The following SCAMP1 variants were observed in gnomAD, a reference collection of about 807,000 sequenced individuals.
The protein encoded by SCAMP1 is secretory carrier membrane protein 1.
A neutral mutation model predicts 41.8 loss-of-function variants in SCAMP1; 15 were observed. The observed-to-expected ratio is 0.36, with a 90% CI of 0.24 to 0.55. The LOEUF is 0.55. Ranked by LOEUF, SCAMP1 falls within the 20% of genes least tolerant of loss-of-function variation. The pLI is 0.86. For missense variants in SCAMP1, 341 were observed against 412.6 expected (o/e 0.83, Z 1.50); for synonymous variants, 135 against 136.8 (o/e 0.99, Z 0.09).
chr5:78,390,646 G>T (rs537756003), intron 2 of SCAMP1, among the ~76,000 whole-genome samples: 115 of 151,522 alleles, frequency 7.6e-4, no homozygotes, highest in African/African-American at 2.7e-3. Context: ...AATGAAAAGA[G>T]ATTTTTTTTT....
At chr5:78,374,025 T>C (rs1751007149) in intron 1 of SCAMP1, among the ~76,000 whole-genome samples, 1 of 152,114 alleles carries the variant, frequency 6.6e-6, no homozygotes, top group African/African-American at 2.4e-5. Context: ...ATTATCATCA[T>C]TGAAGATGGA....
At chr5:78,416,714 C>A in intron 4 of SCAMP1, 65 bp downstream of exon 4, 2 of 1,212,770 alleles carry the variant, frequency 1.6e-6, no homozygotes, top group Non-Finnish European at 2.3e-6. Context: ...TCTATACTAG[C>A]TCCTAGGTCA....
At chr5:78,471,781 T>G (rs1409834964) in intron 8 of SCAMP1, among the ~76,000 whole-genome samples, 1 of 152,182 alleles carries the variant, frequency 6.6e-6, no homozygotes, top group Non-Finnish European at 1.5e-5. Flanking sequence ...TTAATTTAAC[T>G]TATGTTAGTG....
chr5:78,460,751 T>C (rs1437493407), intron 8 of SCAMP1, among the ~76,000 whole-genome samples: 3 of 9,826 alleles, frequency 3.1e-4, no homozygotes, highest in Non-Finnish European at 7.0e-4. Context: ...TCTCCTTCCT[T>C]CCTTCCTTCC....
chr5:78,404,756 A>G (rs1244160891), intron 2 of SCAMP1, among the ~76,000 whole-genome samples: 1 of 152,072 alleles, frequency 6.6e-6, no homozygotes, highest in South Asian at 2.1e-4. Context: ...TCCTGAGGGG[A>G]GGCCTTGTTA....
At chr5:78,381,978 AT>A (rs1751215384) in intron 1 of SCAMP1, among the ~76,000 whole-genome samples, 1 of 152,236 alleles carries the variant, frequency 6.6e-6, no homozygotes, top group African/African-American at 2.4e-5. Context: ...AATGGCAAGA[AT>A]AGCTTTGCAT....
intron 6 of SCAMP1, among the ~76,000 whole-genome samples, chr5:78,422,440 C>T (rs976831417): frequency 6.6e-6 from 1 of 151,802 alleles, no homozygotes; most frequent in Non-Finnish European, 1.5e-5. Flanking sequence ...TTTTCAAAGG[C>T]AGCACCATTT....
chr5:78,466,854 T>C (rs918116184), intron 8 of SCAMP1, among the ~76,000 whole-genome samples: 3 of 152,104 alleles, frequency 2.0e-5, no homozygotes, highest in African/African-American at 7.2e-5. Flanking sequence ...TGATTAGTAA[T>C]GATGGTGGCC....
intron 1 of SCAMP1, among the ~76,000 whole-genome samples, chr5:78,368,647 T>A (rs1330851865): frequency 6.6e-6 from 1 of 152,162 alleles, no homozygotes; most frequent in Non-Finnish European, 1.5e-5. Flanking sequence ...TAAAGAGTGG[T>A]TTGAAAATAC....
chr5:78,417,570 G>A (rs561894240), intron 4 of SCAMP1, among the ~76,000 whole-genome samples: 3 of 152,294 alleles, frequency 2.0e-5, no homozygotes, highest in African/African-American at 7.2e-5. Flanking sequence ...CAGTATGTTA[G>A]CACATTTTAG....
In SCAMP1 at chr5:78,421,816, T is replaced by A. The variant is rs1743309075; in HGVS notation, c.488T>A (p.Leu163Gln). ...YYLWMFHAVT[L>Q]FLNIFGCLAW... is the part of the protein sequence containing the mutation. The stretch of plus-strand genomic sequence containing the variant: ...GATTCCACAGTCCATGCAGTAACAC[T>A]GTTTCTAAATATCTTCGGATGCTTG... The change falls in exon 6 of 9, where the codon CTG becomes CAG. Residue 163 changes from leucine (L) to glutamine (Q), a missense_variant. Transcript: ENST00000621999. The A allele has an allele frequency of 6.2e-7, 1 of 1,613,736 alleles. No individual in the cohort carries two copies. The highest frequency in any genetic ancestry group is 8.5e-7 in the Non-Finnish European group (1 of 1,179,800).
chr5:78,406,349 C>A (rs904056328), intron 2 of SCAMP1, among the ~76,000 whole-genome samples: 1 of 152,094 alleles, frequency 6.6e-6, no homozygotes, highest in South Asian at 2.1e-4. Flanking sequence ...TTCTTTTAGA[C>A]CCTACATACA....
At position 78,416,660 on chromosome 5, in the gene SCAMP1, A is replaced by G. The variant is rs769062941; in HGVS notation, c.343+11A>G. On this transcript the variant is annotated intron_variant, in intron 4 of 8. Transcript: ENST00000621999. ...ACCTCAGTCAACATGGTAGTATCCA[A>G]AGAAATTTGAAATAAAAATAACTTT... The G allele has an allele frequency of 1.9e-5, 30 of 1,544,466 alleles. No individual in the cohort carries two copies. In the Middle Eastern group the frequency reaches 5.1e-4, roughly 26 times the overall value.
intron 6 of SCAMP1, 31 bp from the exon 7 acceptor site, chr5:78,449,901 CT>C: frequency 2.3e-6 from 3 of 1,288,962 alleles, no homozygotes; most frequent in Admixed American, 2.4e-5. Flanking sequence ...CCCTAACCCC[CT>C]TTTTTCTTTC....
chr5:78,446,313 A>G (rs1753050630), intron 6 of SCAMP1, among the ~76,000 whole-genome samples: 1 of 152,228 alleles, frequency 6.6e-6, no homozygotes, highest in African/African-American at 2.4e-5. Flanking sequence ...TCTTAACTAG[A>G]AATTACAGTT....
intron 1 of SCAMP1, among the ~76,000 whole-genome samples, chr5:78,375,532 A>T (rs1165592590): frequency 6.6e-6 from 1 of 152,202 alleles, no homozygotes; most frequent in Non-Finnish European, 1.5e-5. Flanking sequence ...TGTAGCCTTC[A>T]ATTTCCCATT....
At chr5:78,412,855 G>A (rs1752114442) in intron 2 of SCAMP1, among the ~76,000 whole-genome samples, 2 of 151,956 alleles carry the variant, frequency 1.3e-5, no homozygotes, top group South Asian at 2.1e-4. Context: ...TTTACTTTTT[G>A]TAAATTTCAG....
At position 78,360,705 on chromosome 5, in the gene SCAMP1, C is replaced by T; in HGVS notation, c.34C>T (p.Pro12Ser). ...SDFDSNPFADPDLNNPFKDPS... is the reference protein window; with the variant it reads ...SDFDSNPFADSDLNNPFKDPS... Reference sequence around the variant, plus strand: ...TTTCGACAGTAACCCGTTTGCCGACCCGGATCTCAACAATCCCTTCAAGGT... The same window carrying T: ...TTTCGACAGTAACCCGTTTGCCGACTCGGATCTCAACAATCCCTTCAAGGT... The change falls in exon 1 of 9, where the codon CCG becomes TCG. Residue 12 changes from proline (P) to serine (S), a missense_variant. Pro to Ser is a moderately conservative substitution (Grantham distance 74). Coordinates refer to ENST00000621999, the MANE Select transcript of SCAMP1 (RefSeq NM_004866.6). 1 of 1,610,682 alleles carries T rather than the reference C, an allele frequency of 6.2e-7. No individual in the cohort carries two copies. The highest frequency in any genetic ancestry group is 8.5e-7 in the Non-Finnish European group (1 of 1,178,656).
chr5:78,397,133 T>C (rs943726861), intron 2 of SCAMP1, among the ~76,000 whole-genome samples: 2 of 152,178 alleles, frequency 1.3e-5, no homozygotes, highest in African/African-American at 4.8e-5. Context: ...GGTACTGGCA[T>C]AGACATGCAA....
Sources: allele counts gnomAD v4.1 joint callset (sites outside exome capture counted in the v4.1 genomes callset), GRCh38; gene constraint gnomAD v4.1.1; transcripts MANE v1.5; gene names NCBI Gene and HGNC (gene_info 2026-07-23, HGNC 2026-07-21).